GOLGA4: variants seen among roughly 807,000 people sequenced by gnomAD.
GOLGA4 encodes golgin subfamily A member 4.
A neutral mutation model predicts 265.9 loss-of-function variants in GOLGA4; 169 were observed. That is an observed-to-expected ratio of 0.64 (90% CI 0.56 to 0.72). The LOEUF is 0.72. Among genes scored for constraint, GOLGA4 ranks in the 30% least tolerant of loss-of-function variants. The pLI is 0.00. For missense variants in GOLGA4, 2,482 were observed against 2,483.4 expected (o/e 1.00, Z 0.01); for synonymous variants, 923 against 855.8 (o/e 1.08, Z -1.37).
intron 1 of GOLGA4, chr3:37,249,923 G>C (rs1157017888): frequency 2.6e-5 from 4 of 152,222 alleles, no homozygotes; most frequent in Non-Finnish European, 5.9e-5. Flanking sequence ...GTGGATGCAT[G>C]AAGTTCTGTC....
At chr3:37,256,456 G>A (rs564749634) in intron 2 of GOLGA4, among the ~76,000 whole-genome samples, 6 of 149,712 alleles carry the variant, frequency 4.0e-5, no homozygotes, top group Admixed American at 2.7e-4. Context: ...GGCAATAAAA[G>A]CAAAACTCCA....
intron 1 of GOLGA4, among the ~76,000 whole-genome samples, chr3:37,247,481 A>T (rs776143778): frequency 1.1e-4 from 17 of 152,232 alleles, no homozygotes; most frequent in Non-Finnish European, 1.9e-4. Flanking sequence ...TCAGGGTGAC[A>T]TCTGAGTAGA....
At chr3:37,354,511 A>G (rs2097084923) in intron 21 of GOLGA4, among the ~76,000 whole-genome samples, 1 of 151,984 alleles carries the variant, frequency 6.6e-6, no homozygotes, top group African/African-American at 2.4e-5. Context: ...ACAATTTATG[A>G]TCTTGTTTTG....
chr3:37,263,281 G>A (rs2096774888), intron 2 of GOLGA4, among the ~76,000 whole-genome samples: 1 of 152,174 alleles, frequency 6.6e-6, no homozygotes, highest in Non-Finnish European at 1.5e-5. Flanking sequence ...GTTTGTGTAA[G>A]TATGCTTGTC....
At chr3:37,347,991 G>A (rs534412656) in intron 21 of GOLGA4, among the ~76,000 whole-genome samples, 72 of 152,148 alleles carry the variant, frequency 4.7e-4, no homozygotes, top group African/African-American at 1.7e-3. Flanking sequence ...ATTTAAAGCA[G>A]TTTCTGTTTT....
chr3:37,301,923 G>A (rs1374310601), intron 9 of GOLGA4, among the ~76,000 whole-genome samples: 1 of 152,028 alleles, frequency 6.6e-6, no homozygotes, highest in Non-Finnish European at 1.5e-5. Flanking sequence ...TGAGTAGCTG[G>A]GATTACAGGC....
intron 16 of GOLGA4, among the ~76,000 whole-genome samples, chr3:37,330,449 T>G (rs922384898): frequency 5.3e-5 from 8 of 152,182 alleles, no homozygotes; most frequent in African/African-American, 1.9e-4. Flanking sequence ...ACTATTTCTT[T>G]GTCTCGGGAT....
chr3:37,260,285 G>C (rs1001834726), intron 2 of GOLGA4, among the ~76,000 whole-genome samples: 8 of 152,042 alleles, frequency 5.3e-5, no homozygotes, highest in Non-Finnish European at 7.4e-5. Flanking sequence ...AAATCATAAG[G>C]GTTCTACTAA....
Position 37,326,874 on chromosome 3 carries a change from A to C in GOLGA4, c.4988A>C (p.Glu1663Ala). 6.2e-7 allele frequency: 1 copy of C among 1,613,660 alleles called. No homozygotes were observed. The highest frequency in any genetic ancestry group is 1.1e-5 in the South Asian group (1 of 91,052). Residue 1663 changes from glutamate to alanine, a missense_variant, in exon 14 of 24, where the codon GAA becomes GCA. Around this residue, in one of 3 missense-constraint regions of GOLGA4, gnomAD observed 942 missense variants for 983.1 expected, o/e 0.96. Transcript: ENST00000361924. ...KQLLSQMEEKEEQYKKGTESH... is the reference protein window; with the variant it reads ...KQLLSQMEEKAEQYKKGTESH... Reference sequence around the variant, plus strand: ...TTGTTATCTCAAATGGAAGAGAAAGAAGAACAGTATAAAAAAGGTACAGAA... The same window carrying C: ...TTGTTATCTCAAATGGAAGAGAAAGCAGAACAGTATAAAAAAGGTACAGAA...
At chr3:37,353,569 G>T (rs1270251925) in intron 21 of GOLGA4, among the ~76,000 whole-genome samples, 1 of 151,962 alleles carries the variant, frequency 6.6e-6, no homozygotes, top group Admixed American at 6.6e-5. Flanking sequence ...TAACAACAGG[G>T]TCTTACTCTG....
Position 37,326,111 on chromosome 3 carries a change from G to A in GOLGA4, c.4225G>A (p.Glu1409Lys). The change falls in exon 14 of 24, where the codon GAA becomes AAA. Residue 1409 changes from glutamate to lysine, a missense_variant. This residue lies in a region of GOLGA4 where 942 missense variants were observed against 983.1 expected (regional missense o/e 0.96). Transcript: ENST00000361924. Reference protein sequence around the residue: ...LRKQYDEEKCELLDQVQDLSF... With the variant: ...LRKQYDEEKCKLLDQVQDLSF... ...AAAGCAGTATGATGAAGAAAAATGT[G>A]AATTGCTGGATCAGGTGCAAGATTT... 1.2e-6 allele frequency: 2 copies of A among 1,613,746 alleles called. No individual in the cohort carries two copies. The highest frequency in any genetic ancestry group is 1.7e-4 in the Middle Eastern group (1 of 6,058).
chr3:37,287,928 C>T (rs764939607), intron 4 of GOLGA4, among the ~76,000 whole-genome samples: 1 of 152,074 alleles, frequency 6.6e-6, no homozygotes, highest in Non-Finnish European at 1.5e-5. Flanking sequence ...TCCAGATTAC[C>T]CTATTCCTTT....
chr3:37,275,833 A>C (rs1215620595), intron 2 of GOLGA4: 4 of 1,613,658 alleles, frequency 2.5e-6, no homozygotes, highest in Non-Finnish European at 3.4e-6. Flanking sequence ...CAAGAATCGG[A>C]ATGTCAGTTA....
chr3:37,302,816 C>T (rs2096896502), intron 10 of GOLGA4: 1 of 153,654 alleles, frequency 6.5e-6, no homozygotes, highest in East Asian at 1.9e-4. Context: ...ATAATGAACA[C>T]TTCAGTGTTA....
At chr3:37,332,441 A>G (rs577458537) in intron 16 of GOLGA4, among the ~76,000 whole-genome samples, 65 of 152,308 alleles carry the variant, frequency 4.3e-4, no homozygotes, top group African/African-American at 1.1e-3. Context: ...TGGGAGGTCA[A>G]TGCTGCACTG....
At chr3:37,355,897 G>A (rs1049157486) in intron 22 of GOLGA4, among the ~76,000 whole-genome samples, 39 of 151,846 alleles carry the variant, frequency 2.6e-4, no homozygotes, top group African/African-American at 8.7e-4. Flanking sequence ...AGAGCCCTCC[G>A]TGAATACCCT....
intron 8 of GOLGA4, 127 bp downstream of exon 8, chr3:37,299,147 C>A: frequency 1.1e-6 from 1 of 934,354 alleles, no homozygotes; most frequent in Non-Finnish European, 1.6e-6. Flanking sequence ...CCCTGGCCTA[C>A]ATAACACCAA....
rs766847005 is a variant in GOLGA4, at chr3:37,302,166, A to C, written c.1087-19A>C. 1 of 1,607,330 alleles carries C rather than the reference A, an allele frequency of 6.2e-7. No individual in the cohort carries two copies. The highest frequency in any genetic ancestry group is 8.5e-7 in the Non-Finnish European group (1 of 1,174,840). On this transcript the variant is annotated intron_variant, in intron 9 of 23. Transcript: ENST00000361924. The stretch of plus-strand genomic sequence containing the variant: ...CAGTTTTGTTATGCAAATGTTTTAG[A>C]GTCTTCACTTCTATTCAGGGAATGG...
chr3:37,331,412 G>A (rs1284592616), intron 16 of GOLGA4, among the ~76,000 whole-genome samples: 1 of 152,046 alleles, frequency 6.6e-6, no homozygotes, highest in Non-Finnish European at 1.5e-5. Flanking sequence ...GACATCCCCA[G>A]ATATACTTTA....
Sources: gnomAD v4.1 joint callset for allele counts (sites outside exome capture counted in the v4.1 genomes callset) on GRCh38, gnomAD v4.1.1 for gene constraint, gnomAD v4.1.1 regional missense constraint, MANE v1.5 for transcripts, NCBI Gene and HGNC (gene_info 2026-07-23, HGNC 2026-07-21) for gene names.